Variants in NRCAM observed in about 807,000 individuals in gnomAD.
The protein encoded by NRCAM is NgCAM-related cell adhesion molecule.
In NRCAM, 83 loss-of-function variants were observed where a neutral mutation model predicts 156.5. The observed-to-expected ratio is 0.53, with a 90% CI of 0.44 to 0.64. The LOEUF (loss-of-function observed/expected upper bound fraction) is 0.64, where lower values mean the gene tolerates loss of function less well. NRCAM is among the 30% of genes least tolerant of loss of function. The pLI, the probability that NRCAM is intolerant of heterozygous loss-of-function variation, is 0.00. For missense variants in NRCAM, 1,417 were observed against 1,597.3 expected, an observed-to-expected ratio of 0.89 and a Z score of 1.92; for synonymous variants, 538 against 563.9, an observed-to-expected ratio of 0.95 and a Z score of 0.65.
chr7:108,235,181 C>T (rs73414373), intron 5 of NRCAM, among the ~76,000 whole-genome samples: 11,192 of 152,148 alleles, frequency 0.074, 598 homozygotes, highest in African/African-American at 0.14. Flanking sequence ...GACTGTTAAA[C>T]TGGAGATGTG....
At chr7:108,245,651 T>C (rs2095857054) in intron 3 of NRCAM, among the ~76,000 whole-genome samples, 1 of 152,208 alleles carries the variant, frequency 6.6e-6, no homozygotes, top group Non-Finnish European at 1.5e-5. Context: ...TATTACCAAG[T>C]TTTGTGAATC....
chr7:108,188,450 G>C, intron 20 of NRCAM, among the ~76,000 whole-genome samples: 1 of 151,896 alleles, frequency 6.6e-6, no homozygotes, highest in East Asian at 1.9e-4. Flanking sequence ...GCTTAATAAT[G>C]TATTATTAAT....
intron 2 of NRCAM, among the ~76,000 whole-genome samples, chr7:108,344,599 T>G (rs1479320133): frequency 1.3e-5 from 2 of 152,182 alleles, no homozygotes; most frequent in African/African-American, 4.8e-5. Flanking sequence ...CGTACTACTC[T>G]CCCAAAGTGA....
chr7:108,373,090 A>T (rs1304631), intron 2 of NRCAM, among the ~76,000 whole-genome samples: 50,337 of 152,080 alleles, frequency 0.33, 8,962 homozygotes, highest in Middle Eastern at 0.49. Flanking sequence ...TAAATAAGCT[A>T]GTCACAGGAA....
intron 1 of NRCAM, among the ~76,000 whole-genome samples, chr7:108,442,190 T>A (rs1839294394): frequency 6.6e-6 from 1 of 152,118 alleles, no homozygotes; most frequent in African/African-American, 2.4e-5. Flanking sequence ...GGTGGTATGA[T>A]CACAGGATGT....
intron 32 of NRCAM, among the ~76,000 whole-genome samples, chr7:108,152,418 G>T (rs1227937491): frequency 6.6e-6 from 1 of 152,030 alleles, no homozygotes; most frequent in Non-Finnish European, 1.5e-5. Flanking sequence ...TGGCTGGGGG[G>T]AGGGAGAGAG....
intron 1 of NRCAM, among the ~76,000 whole-genome samples, chr7:108,432,264 T>C (rs1021963246): frequency 2.0e-5 from 3 of 152,234 alleles, no homozygotes; most frequent in South Asian, 4.1e-4. Flanking sequence ...TCCTTTAATA[T>C]GGATTACTTA....
intron 1 of NRCAM, among the ~76,000 whole-genome samples, chr7:108,411,494 T>C (rs942402353): frequency 5.9e-5 from 9 of 152,182 alleles, no homozygotes; most frequent in Non-Finnish European, 1.3e-4. Context: ...TTACAACATG[T>C]GTTGAGATTG....
intron 3 of NRCAM, among the ~76,000 whole-genome samples, chr7:108,243,459 T>C (rs1220553848): frequency 6.6e-6 from 1 of 152,236 alleles, no homozygotes; most frequent in Non-Finnish European, 1.5e-5. Context: ...GGAGTCCATC[T>C]GCCTTGTACT....
At position 108,446,732 on chromosome 7, in the gene NRCAM, C is replaced by CTTTT. The variant is rs67867919; in HGVS notation, c.-332+9507_-332+9510dup. Among the ~76,000 whole-genome samples the CTTTT allele has an allele frequency of 3.1e-3, 448 of 144,254 alleles. 1 individual carries two copies. Among genetic ancestry groups the CTTTT allele is most frequent in the African/African-American group, 0.011 (428 of 38,984 alleles). The allele number at this position is 144,254 out of a possible 152,430, so 94.6% of individuals were successfully genotyped here. On this transcript the variant is annotated intron_variant, in intron 1 of 32. Transcript: ENST00000379028. Reference sequence around the variant, plus strand: ...TTCTCTCTGCATTTACAACCTATGTCTTTTTTTTTTTTTGAGATGGAGTCT... The same window carrying CTTTT: ...TTCTCTCTGCATTTACAACCTATGTCTTTTTTTTTTTTTTTTTGAGATGGAGTCT...
At chr7:108,279,856 A>G (rs145174381) in intron 3 of NRCAM, among the ~76,000 whole-genome samples, 1 of 152,198 alleles carries the variant, frequency 6.6e-6, no homozygotes, top group East Asian at 1.9e-4. Flanking sequence ...CACCATGCCC[A>G]GCCTGCAACA....
At chr7:108,390,482 G>A (rs1285242230) in intron 2 of NRCAM, among the ~76,000 whole-genome samples, 3 of 151,678 alleles carry the variant, frequency 2.0e-5, no homozygotes, top group Non-Finnish European at 4.4e-5. Context: ...TATTAGTCTT[G>A]CTAGCAGTCT....
chr7:108,334,190 T>G (rs902316884), intron 2 of NRCAM, among the ~76,000 whole-genome samples: 9 of 152,234 alleles, frequency 5.9e-5, no homozygotes, highest in African/African-American at 2.2e-4. Flanking sequence ...TTACACATTA[T>G]TTTTTAAATG....
At chr7:108,275,822 T>C (rs974205706) in intron 3 of NRCAM, among the ~76,000 whole-genome samples, 1 of 152,332 alleles carries the variant, frequency 6.6e-6, no homozygotes, top group African/African-American at 2.4e-5. Flanking sequence ...TTAATTGTGA[T>C]GTTAGGGTGT....
chr7:108,262,717 T>G (rs1455828265), intron 3 of NRCAM, among the ~76,000 whole-genome samples: 1 of 152,194 alleles, frequency 6.6e-6, no homozygotes, highest in Non-Finnish European at 1.5e-5. Flanking sequence ...GTCTCTGCAT[T>G]TGGTCCTTCT....
At chr7:108,197,349 T>A (rs1309429748) in intron 14 of NRCAM, among the ~76,000 whole-genome samples, 1 of 152,144 alleles carries the variant, frequency 6.6e-6, no homozygotes, top group Admixed American at 6.6e-5. Context: ...GCATACTAAT[T>A]TTAAAGGGCT....
chr7:108,350,073 A>C (rs1346826469), intron 2 of NRCAM, among the ~76,000 whole-genome samples: 1 of 152,120 alleles, frequency 6.6e-6, no homozygotes, highest in Non-Finnish European at 1.5e-5. Flanking sequence ...TACACCAGCT[A>C]TTCCTTCCAC....
rs1359233529 is a variant in NRCAM, at chr7:108,299,141, A to AG, written c.-107+13523_-107+13524insC. On this transcript the variant is annotated intron_variant, in intron 3 of 32. Transcript: ENST00000379028. ...AAGAAAGAAAGAAAGAAAGAAAGAAAAGAAAAGTAAAAAAAAAAAAAACCC... is the reference window on the plus strand; with the variant it reads ...AAGAAAGAAAGAAAGAAAGAAAGAAAGAGAAAAGTAAAAAAAAAAAAAACCC... Among the ~76,000 whole-genome samples the AG allele has an allele frequency of 3.0e-4, 34 of 113,954 alleles. 1 individual carries two copies. The highest frequency in any genetic ancestry group is 4.5e-4 in the Non-Finnish European group (24 of 53,024). 74.8% of individuals were successfully genotyped at this position (113,954 alleles called of 152,430 possible). A position where few individuals can be genotyped will look rare whatever the true frequency, so the allele number is the denominator to read the frequency against.
Position 108,450,945 on chromosome 7 carries a change from G to A in NRCAM, c.-332+5298C>T, listed in dbSNP as rs915679443. On this transcript the variant is annotated intron_variant, in intron 1 of 32. Transcript: ENST00000379028. Reference sequence around the variant, plus strand: ...CTTTAAAAGATAACAGTGGCTGGGCGTGGTGACTCACGCTTGTAATCTCAG... The same window carrying A: ...CTTTAAAAGATAACAGTGGCTGGGCATGGTGACTCACGCTTGTAATCTCAG... 6.6e-5 allele frequency among the ~76,000 whole-genome samples: 10 copies of A among 152,266 alleles called. No individual in the cohort carries two copies. The East Asian group carries it at 7.7e-4, about 12-fold the overall frequency.
Sources: gnomAD v4.1 joint callset for allele counts (sites outside exome capture counted in the v4.1 genomes callset) on GRCh38, gnomAD v4.1.1 for gene constraint, MANE v1.5 for transcripts, NCBI Gene and HGNC (gene_info 2026-07-23, HGNC 2026-07-21) for gene names.